SUGCT: variants seen among roughly 807,000 people sequenced by gnomAD.
SUGCT encodes succinyl-CoA:glutarate-CoA transferase.
SUGCT carries 41 observed loss-of-function variants against 55.0 expected under a neutral mutation model. That is an observed-to-expected ratio of 0.74 (90% CI 0.58 to 0.97). The LOEUF (loss-of-function observed/expected upper bound fraction) is 0.97. SUGCT is among the 50% of genes least tolerant of loss of function. The pLI is 0.00. For missense variants in SUGCT, 568 were observed against 547.8 expected (o/e 1.04, Z -0.37); for synonymous variants, 187 against 200.4 (o/e 0.93, Z 0.56).
At chr7:41,033,354 A>G in the SUGCT span, among the ~76,000 whole-genome samples, 2 of 151,996 alleles carry the variant, frequency 1.3e-5, no homozygotes, top group South Asian at 2.1e-4. Context: ...TGTCCTTTGT[A>G]TGATGCTGTA....
chr7:40,918,368 G>C, the SUGCT span, among the ~76,000 whole-genome samples: 1 of 151,118 alleles, frequency 6.6e-6, no homozygotes. Context: ...GGCTGAGGTA[G>C]GAGAATCACT....
intron 9 of SUGCT, among the ~76,000 whole-genome samples, chr7:40,370,169 C>G (rs1290084077): frequency 6.6e-6 from 1 of 152,170 alleles, no homozygotes; most frequent in Admixed American, 6.6e-5. Flanking sequence ...CGAAGCATAA[C>G]TTTCTACTAA....
intron 1 of SUGCT, among the ~76,000 whole-genome samples, chr7:40,176,788 C>G (rs1293805275): frequency 6.6e-6 from 1 of 151,980 alleles, no homozygotes; most frequent in African/African-American, 2.4e-5. Flanking sequence ...GCCTGGCCAA[C>G]ATGGCGAAAC....
chr7:40,732,241 T>G (rs1020658056), intron 12 of SUGCT, among the ~76,000 whole-genome samples: 1 of 152,200 alleles, frequency 6.6e-6, no homozygotes, highest in Non-Finnish European at 1.5e-5. Flanking sequence ...CCATTCTCTG[T>G]CTGGCTGGTG....
chr7:40,147,122 T>C (rs557110190), intron 1 of SUGCT, among the ~76,000 whole-genome samples: 1 of 152,084 alleles, frequency 6.6e-6, no homozygotes, highest in South Asian at 2.1e-4. Context: ...TCCCTGCCTC[T>C]GCCAGCCGCT....
At chr7:40,628,555 T>C (rs1799634009) in intron 12 of SUGCT, among the ~76,000 whole-genome samples, 1 of 152,244 alleles carries the variant, frequency 6.6e-6, no homozygotes, top group Non-Finnish European at 1.5e-5. Flanking sequence ...TGGAAAGATC[T>C]CACCTGACGT....
At chr7:40,422,529 T>C (rs1306530680) in intron 9 of SUGCT, among the ~76,000 whole-genome samples, 1 of 152,178 alleles carries the variant, frequency 6.6e-6, no homozygotes, top group Non-Finnish European at 1.5e-5. Flanking sequence ...GTCTTTTTTC[T>C]TTACTTAGAA....
At chr7:40,200,766 A>G (rs1263939128) in intron 6 of SUGCT, among the ~76,000 whole-genome samples, 1 of 152,152 alleles carries the variant, frequency 6.6e-6, no homozygotes, top group African/African-American at 2.4e-5. Context: ...GTAGAATTCA[A>G]TTCCTGGTTG....
rs148763463 is a variant in SUGCT at position 40,315,713 on chromosome 7, G to A, written c.721-1047G>A. Among the ~76,000 whole-genome samples, 3 of 152,266 alleles carry A rather than the reference G, an allele frequency of 2.0e-5. No individual in the cohort carries two copies. The East Asian group carries it at 5.8e-4, about 29-fold the overall frequency. On this transcript the variant is annotated intron_variant, in intron 8 of 13. Transcript: ENST00000335693. ...GTTCCAGGAGCCAATCTCAATTTGGGGTATGTTTTAATGACAGGCTTTGTA... is the reference window on the plus strand; with the variant it reads ...GTTCCAGGAGCCAATCTCAATTTGGAGTATGTTTTAATGACAGGCTTTGTA...
chr7:40,268,140 A>G (rs1791729363), intron 7 of SUGCT, among the ~76,000 whole-genome samples: 1 of 152,246 alleles, frequency 6.6e-6, no homozygotes, highest in Admixed American at 6.5e-5. Flanking sequence ...ACCCATTTAC[A>G]GCATACAATT....
the SUGCT span, among the ~76,000 whole-genome samples, chr7:40,906,326 T>C: frequency 6.6e-6 from 1 of 152,080 alleles, no homozygotes; most frequent in African/African-American, 2.4e-5. Flanking sequence ...AAAAGCTTCA[T>C]CCAAATCAGA....
At chr7:40,389,667 C>A (rs1785315216) in intron 9 of SUGCT, among the ~76,000 whole-genome samples, 1 of 152,028 alleles carries the variant, frequency 6.6e-6, no homozygotes, top group Non-Finnish European at 1.5e-5. Flanking sequence ...TATGAAGGGA[C>A]TGAGGAATTA....
rs1795176135 is a variant in SUGCT at position 40,311,882 on chromosome 7, A to AGTGCTATG, written c.721-4876_721-4869dup. On this transcript the variant is annotated intron_variant, in intron 8 of 13. Transcript: ENST00000335693. Reference sequence around the variant, plus strand: ...AAAATAGTGTTCAGGATCTGTGTTAAGTGCTATGGAAACACACAAAGGGTT... The same window carrying AGTGCTATG: ...AAAATAGTGTTCAGGATCTGTGTTAAGTGCTATGGTGCTATGGAAACACACAAAGGGTT... 2.0e-5 allele frequency among the ~76,000 whole-genome samples: 3 copies of AGTGCTATG among 152,208 alleles called. No individual in the cohort carries two copies. In the South Asian group the frequency reaches 6.2e-4, roughly 31 times the overall value.
At chr7:41,012,591 G>T in the SUGCT span, among the ~76,000 whole-genome samples, 2 of 152,174 alleles carry the variant, frequency 1.3e-5, no homozygotes, top group African/African-American at 4.8e-5. Context: ...CCTCCATGGT[G>T]AATTCATTAG....
chr7:40,357,871 T>C (rs985300426), intron 9 of SUGCT, among the ~76,000 whole-genome samples: 4 of 152,218 alleles, frequency 2.6e-5, no homozygotes, highest in African/African-American at 9.6e-5. Context: ...CATCCAAAAA[T>C]GGACAGCAGG....
At chr7:40,732,843 G>A (rs936180707) in intron 12 of SUGCT, among the ~76,000 whole-genome samples, 4 of 151,978 alleles carry the variant, frequency 2.6e-5, no homozygotes, top group East Asian at 1.9e-4. Context: ...TAATCCCAGC[G>A]CTTTGGGAGG....
the SUGCT span, among the ~76,000 whole-genome samples, chr7:40,945,025 A>C: frequency 5.9e-5 from 9 of 152,042 alleles, no homozygotes; most frequent in African/African-American, 2.2e-4. Context: ...TTATTTGTTT[A>C]TTAATTTTTC....
intron 12 of SUGCT, among the ~76,000 whole-genome samples, chr7:40,720,327 A>G (rs1364375670): frequency 6.6e-6 from 1 of 152,226 alleles, no homozygotes; most frequent in Non-Finnish European, 1.5e-5. Flanking sequence ...TCACAAAGAT[A>G]TGGCATAAAA....
intron 13 of SUGCT, among the ~76,000 whole-genome samples, chr7:40,803,735 A>G (rs1790938444): frequency 6.6e-6 from 1 of 152,260 alleles, no homozygotes; most frequent in African/African-American, 2.4e-5. Context: ...AGTAACCTAA[A>G]GAAATCAAAA....
Sources: gnomAD v4.1 joint callset for allele counts (sites outside exome capture counted in the v4.1 genomes callset) on GRCh38, gnomAD v4.1.1 for gene constraint, MANE v1.5 for transcripts, NCBI Gene and HGNC (gene_info 2026-07-23, HGNC 2026-07-21) for gene names.